The following ALK variants were observed in gnomAD, a reference collection of about 807,000 sequenced individuals.
The protein encoded by ALK is ALK tyrosine kinase receptor.
A neutral mutation model predicts 163.1 loss-of-function variants in ALK; 74 were observed. That is an observed-to-expected ratio of 0.45 (90% CI 0.38 to 0.55). ALK has a LOEUF of 0.55. ALK is among the 20% of genes least tolerant of loss of function. The pLI is 0.00. For missense variants in ALK, 2,063 were observed against 2,105.3 expected, an observed-to-expected ratio of 0.98 and a Z score of 0.39; for synonymous variants, 960 against 843.2, an observed-to-expected ratio of 1.14 and a Z score of -2.40.
At chr2:29,628,366 A>T (rs1294370737) in intron 3 of ALK, among the ~76,000 whole-genome samples, 1 of 152,182 alleles carries the variant, frequency 6.6e-6, no homozygotes, top group Non-Finnish European at 1.5e-5. Flanking sequence ...CTATTAAAAC[A>T]CGCTATATAG....
At chr2:29,906,610 G>A (rs1667554604) in intron 1 of ALK, among the ~76,000 whole-genome samples, 2 of 152,152 alleles carry the variant, frequency 1.3e-5, no homozygotes, top group South Asian at 4.1e-4. Flanking sequence ...CATAGATGTG[G>A]AGTTAAACAG....
At chr2:29,861,186 G>A (rs1343537335) in intron 1 of ALK, among the ~76,000 whole-genome samples, 1 of 152,086 alleles carries the variant, frequency 6.6e-6, no homozygotes, top group Non-Finnish European at 1.5e-5. Context: ...AGAAGGAGGA[G>A]GGTAAGGAGA....
intron 1 of ALK, among the ~76,000 whole-genome samples, chr2:29,818,569 G>A (rs1192063102): frequency 3.3e-5 from 5 of 152,326 alleles, no homozygotes; most frequent in Admixed American, 6.5e-5. Flanking sequence ...CCTGCTGTTC[G>A]CCCCCAAAGC....
chr2:29,236,874 C>G (rs1449179649), intron 13 of ALK, among the ~76,000 whole-genome samples: 1 of 152,190 alleles, frequency 6.6e-6, no homozygotes, highest in East Asian at 1.9e-4. Flanking sequence ...TATCCCCAGC[C>G]TGGACCTCTC....
At position 29,532,199 on chromosome 2, in the gene ALK, T is replaced by C. The variant is rs533063414; in HGVS notation, c.953-83A>G. On this transcript the variant is annotated intron_variant, in intron 3 of 28. Coordinates refer to ENST00000389048, the MANE Select transcript of ALK (RefSeq NM_004304.5). The stretch of plus-strand genomic sequence containing the variant: ...CTCTGTGGCAAGACTTAGAGACAAA[T>C]GGCATCAAAATCAGAGATACTGGAG... The C allele has an allele frequency of 6.8e-6, 9 of 1,330,546 alleles. No individual in the cohort carries two copies. The East Asian group carries it at 1.9e-4, about 29-fold the overall frequency. The allele number at this position is 1,330,546 out of a possible 1,614,324, so 82.4% of individuals were successfully genotyped here.
At chr2:29,752,800 C>G (rs1342157619) in intron 1 of ALK, among the ~76,000 whole-genome samples, 4 of 152,200 alleles carry the variant, frequency 2.6e-5, no homozygotes, top group African/African-American at 9.7e-5. Flanking sequence ...GAAGGAGCAA[C>G]AGTCTTGTCA....
At chr2:29,904,058 C>CACA (rs1667478417) in intron 1 of ALK, among the ~76,000 whole-genome samples, 2 of 152,182 alleles carry the variant, frequency 1.3e-5, no homozygotes, top group East Asian at 3.8e-4. Context: ...AACCTAATCT[C>CACA]ACAACTCCTG....
At chr2:29,237,388 C>G (rs1056226926) in intron 13 of ALK, among the ~76,000 whole-genome samples, 1 of 152,180 alleles carries the variant, frequency 6.6e-6, no homozygotes, top group African/African-American at 2.4e-5. Flanking sequence ...TCCAACATGC[C>G]TTAAAGTGGC....
At chr2:29,262,445 G>A (rs1032449001) in intron 11 of ALK, among the ~76,000 whole-genome samples, 2 of 152,138 alleles carry the variant, frequency 1.3e-5, no homozygotes, top group East Asian at 1.9e-4. Context: ...CACCCACCCC[G>A]TTCATTCAGG....
intron 3 of ALK, among the ~76,000 whole-genome samples, chr2:29,584,901 T>G (rs1165600412): frequency 1.3e-5 from 2 of 152,230 alleles, no homozygotes; most frequent in Non-Finnish European, 2.9e-5. Context: ...ACATACATTT[T>G]TGTTAAGCAG....
At chr2:29,690,102 G>T (rs1438000589) in intron 3 of ALK, among the ~76,000 whole-genome samples, 1 of 152,156 alleles carries the variant, frequency 6.6e-6, no homozygotes, top group Non-Finnish European at 1.5e-5. Context: ...ATACACAAGG[G>T]TACAACAGGA....
chr2:29,528,443 C>A (rs982292735), intron 4 of ALK, among the ~76,000 whole-genome samples: 2 of 152,228 alleles, frequency 1.3e-5, no homozygotes, highest in Non-Finnish European at 2.9e-5. Flanking sequence ...GCTGCTTCTG[C>A]TGGATCTGCC....
chr2:29,675,870 G>T (rs958989317), intron 3 of ALK, among the ~76,000 whole-genome samples: 3 of 151,832 alleles, frequency 2.0e-5, no homozygotes, highest in African/African-American at 4.8e-5. Context: ...TCCCCTTGAG[G>T]TAAGTTTTAT....
rs74766293 is a variant in ALK at position 29,533,252 on chromosome 2, C to T, written c.953-1136G>A. Among the ~76,000 whole-genome samples the T allele has an allele frequency of 9.0e-3, 1,366 of 152,210 alleles. 20 individuals are homozygous for T. The highest frequency in any genetic ancestry group is 0.026 in the African/African-American group (1,096 of 41,516). ...TATAAGAAAAGTGATCTACAACTGTCATAAATAATCTACATTATGACAGTA... is the reference window on the plus strand; with the variant it reads ...TATAAGAAAAGTGATCTACAACTGTTATAAATAATCTACATTATGACAGTA... On this transcript the variant is annotated intron_variant, in intron 3 of 28. Coordinates refer to ENST00000389048, the MANE Select transcript of ALK (RefSeq NM_004304.5).
At chr2:29,565,857 A>G (rs1674169913) in intron 3 of ALK, among the ~76,000 whole-genome samples, 1 of 152,210 alleles carries the variant, frequency 6.6e-6, no homozygotes, top group Admixed American at 6.5e-5. Context: ...GCGAGATTAA[A>G]TTAACACAGT....
intron 3 of ALK, among the ~76,000 whole-genome samples, chr2:29,683,064 A>G (rs1678124561): frequency 6.6e-6 from 1 of 152,118 alleles, no homozygotes; most frequent in African/African-American, 2.4e-5. Flanking sequence ...TACGAGTAAT[A>G]CTCAACACAG....
chr2:29,616,828 C>T (rs1488998146), intron 3 of ALK, among the ~76,000 whole-genome samples: 1 of 152,142 alleles, frequency 6.6e-6, no homozygotes, highest in African/African-American at 2.4e-5. Flanking sequence ...GCAAACTGTG[C>T]CCTGTCATTC....
At position 29,215,231 on chromosome 2, in the gene ALK, G is replaced by C. The variant is rs62130584; in HGVS notation, c.3646-1150C>G. Among the ~76,000 whole-genome samples, 731 of 152,324 alleles carry C rather than the reference G, an allele frequency of 4.8e-3. 4 individuals are homozygous for C. Among genetic ancestry groups the C allele is most frequent in the Non-Finnish European group, 7.5e-3 (508 of 68,008 alleles). ...CTCTTTAGTCCTGAGGTGCCCACAG[G>C]GAAGTCACCCAGCCAGGCGGCAGCG... is the stretch of plus-strand genomic sequence containing the variant. On this transcript the variant is annotated intron_variant, in intron 23 of 28. Transcript: ENST00000389048.
chr2:29,640,886 T>G (rs1402881182), intron 3 of ALK, among the ~76,000 whole-genome samples: 2 of 152,114 alleles, frequency 1.3e-5, no homozygotes, highest in African/African-American at 4.8e-5. Context: ...TAAGCTGAAA[T>G]CTTAAGGATA....
Sources: gnomAD v4.1 joint callset for allele counts (sites outside exome capture counted in the v4.1 genomes callset) on GRCh38, gnomAD v4.1.1 for gene constraint, MANE v1.5 for transcripts, NCBI Gene and HGNC (gene_info 2026-07-23, HGNC 2026-07-21) for gene names.